The following DNAH12 variants were observed in gnomAD, a reference collection of about 807,000 sequenced individuals.
DNAH12 encodes dynein axonemal heavy chain 12.
A neutral mutation model predicts 371.5 loss-of-function variants in DNAH12; 285 were observed. That is an observed-to-expected ratio of 0.77 (90% CI 0.70 to 0.85). The LOEUF is 0.85. DNAH12 is among the 40% of genes least tolerant of loss of function. The probability of loss-of-function intolerance (pLI) is 0.00; values close to 1 mark genes in which losing one functional copy is unlikely to be tolerated. For synonymous variants in DNAH12, 1,200 were observed against 1,213.0 expected, an observed-to-expected ratio of 0.99 and a Z score of 0.22; for missense variants, 3,611 against 3,689.4, an observed-to-expected ratio of 0.98 and a Z score of 0.55.
chr3:57,318,977 T>A (rs541560053), intron 65 of DNAH12, among the ~76,000 whole-genome samples: 2 of 152,250 alleles, frequency 1.3e-5, no homozygotes, highest in South Asian at 4.1e-4. Context: ...CACATTTTAA[T>A]AATTTAAGTC....
chr3:57,542,266 T>C (rs2069324583), intron 2 of DNAH12, among the ~76,000 whole-genome samples: 1 of 152,030 alleles, frequency 6.6e-6, no homozygotes, highest in African/African-American at 2.4e-5. Flanking sequence ...GTTCAAATTG[T>C]AGGGGTTCAG....
At chr3:57,423,911 G>A (rs749520249) in intron 35 of DNAH12, among the ~76,000 whole-genome samples, 1 of 151,756 alleles carries the variant, frequency 6.6e-6, no homozygotes, top group Non-Finnish European at 1.5e-5. Flanking sequence ...GCTAATTTTT[G>A]TATTTATAGT....
chr3:57,461,327 C>T (rs996036898), intron 19 of DNAH12, among the ~76,000 whole-genome samples, 162 bp downstream of exon 19: 1 of 151,930 alleles, frequency 6.6e-6, no homozygotes, highest in Non-Finnish European at 1.5e-5. Flanking sequence ...TTTTGAATAT[C>T]ATTTTGTATT....
intron 50 of DNAH12, among the ~76,000 whole-genome samples, chr3:57,381,113 G>A (rs1465977942): frequency 1.3e-5 from 2 of 152,110 alleles, no homozygotes; most frequent in Admixed American, 6.6e-5. Context: ...GAAAGCAGAA[G>A]GCCAAAGAGT....
chr3:57,552,369 T>C, the DNAH12 span, among the ~76,000 whole-genome samples: 3 of 152,152 alleles, frequency 2.0e-5, no homozygotes, highest in Non-Finnish European at 4.4e-5. Flanking sequence ...TGCGGACAAT[T>C]TATAATTATC....
chr3:57,389,005 T>C (rs1575533046), intron 45 of DNAH12, among the ~76,000 whole-genome samples: 1 of 152,132 alleles, frequency 6.6e-6, no homozygotes, highest in Admixed American at 6.5e-5. Flanking sequence ...TATACATATG[T>C]AACAAACCTG....
intron 4 of DNAH12, among the ~76,000 whole-genome samples, chr3:57,513,136 C>CAA (rs57769589): frequency 8.7e-5 from 9 of 103,742 alleles, no homozygotes; most frequent in South Asian, 3.0e-4. Context: ...GACTTCATCT[C>CAA]AAAAAAAAAA....
At chr3:57,294,611 A>T (rs1266909742) in intron 73 of DNAH12, among the ~76,000 whole-genome samples, 1 of 152,186 alleles carries the variant, frequency 6.6e-6, no homozygotes, top group African/African-American at 2.4e-5. Flanking sequence ...GGAAGAAGGA[A>T]TAAAATACAG....
intron 38 of DNAH12, among the ~76,000 whole-genome samples, chr3:57,414,694 G>T (rs1337610927): frequency 6.6e-6 from 1 of 152,060 alleles, no homozygotes; most frequent in East Asian, 1.9e-4. Flanking sequence ...AAATGTGGAT[G>T]CTTTCTTATA....
intron 30 of DNAH12, among the ~76,000 whole-genome samples, chr3:57,435,634 T>G (rs2065100321): frequency 6.6e-6 from 1 of 151,984 alleles, no homozygotes; most frequent in Non-Finnish European, 1.5e-5. Context: ...GAGTCTAGTC[T>G]AAAACATAAG....
In DNAH12 at chr3:57,314,554, A is replaced by G. The variant is rs1249455626; in HGVS notation, c.10602T>C (p.Gly3534=). 3.2e-6 allele frequency: 5 copies of G among 1,551,406 alleles called. No homozygotes were observed. The highest frequency in any genetic ancestry group is 4.4e-6 in the Non-Finnish European group (5 of 1,146,934). ...CATTAAATCCATATGGAATATTCCA[A>G]CCAAGAGGACCAAATTTCTTTCTCT... ...VQERKKFGPL[G]WNIPYGFNES... Residue 3534 remains glycine, a synonymous_variant, in exon 66 of 74, where the codon GGT becomes GGC. Coordinates refer to ENST00000495027, the MANE Select transcript of DNAH12 (RefSeq NM_001366028.2).
intron 2 of DNAH12, among the ~76,000 whole-genome samples, chr3:57,526,611 C>T (rs764882825): frequency 8.6e-5 from 13 of 150,984 alleles, no homozygotes; most frequent in Admixed American, 3.3e-4. Context: ...TCACTGCAAC[C>T]TCTGACTCCC....
intron 29 of DNAH12, among the ~76,000 whole-genome samples, chr3:57,440,953 G>A (rs4681984): frequency 6.6e-6 from 1 of 151,994 alleles, no homozygotes; most frequent in African/African-American, 2.4e-5. Flanking sequence ...TTGCACTGCT[G>A]TACTCCAGCC....
intron 8 of DNAH12, among the ~76,000 whole-genome samples, chr3:57,505,724 A>C (rs2067733087): frequency 6.6e-6 from 1 of 151,822 alleles, no homozygotes; most frequent in Non-Finnish European, 1.5e-5. Context: ...TACAGATGTG[A>C]GCCACTGCGC....
At chr3:57,342,475 C>A (rs1385036724) in intron 60 of DNAH12, among the ~76,000 whole-genome samples, 1 of 37,836 alleles carries the variant, frequency 2.6e-5, no homozygotes, top group Non-Finnish European at 6.0e-5. Context: ...CCTATCTCTA[C>A]TAAAAATACA....
chr3:57,373,294 T>C (rs1218722090), intron 55 of DNAH12, among the ~76,000 whole-genome samples: 4 of 148,988 alleles, frequency 2.7e-5, no homozygotes, highest in Admixed American at 6.9e-5. Context: ...TCAGTGGTTA[T>C]AGTTAATCTA....
chr3:57,334,749 T>C (rs1410340252), intron 61 of DNAH12, 33 bp downstream of exon 61: 6 of 1,530,058 alleles, frequency 3.9e-6, no homozygotes, highest in East Asian at 4.9e-5. Context: ...CATATTGCCA[T>C]TCAATGATAA....
Position 57,302,418 on chromosome 3 carries a change from T to C in DNAH12, c.11190-479A>G, listed in dbSNP as rs562088915. ...GTTAAGAATACCATAAATATACTTG[T>C]AGTGAGAGTTTTTAGGCTAGAAGCC... On this transcript the variant is annotated intron_variant, in intron 69 of 73. Coordinates refer to ENST00000495027, the MANE Select transcript of DNAH12 (RefSeq NM_001366028.2). Among the ~76,000 whole-genome samples, 3 of 150,500 alleles carry C rather than the reference T, an allele frequency of 2.0e-5. No individual in the cohort carries two copies. The East Asian group carries it at 5.9e-4, about 29-fold the overall frequency.
rs757947796 is a variant in DNAH12, at chr3:57,301,719, C to CACACAT, written c.11394+15_11394+16insATGTGT. 2.6e-5 allele frequency: 30 copies of CACACAT among 1,141,356 alleles called. 1 individual carries two copies. The African/African-American group carries it at 3.5e-4, about 13-fold the overall frequency. 70.7% of individuals were successfully genotyped at this position (1,141,356 alleles called of 1,614,324 possible). Reference sequence around the variant, plus strand: ...ACACACACACACACACACACACACACACACACACATTTTACCTGTAAAAAG... The same window carrying CACACAT: ...ACACACACACACACACACACACACACACACATACACACACATTTTACCTGTAAAAAG... On this transcript the variant is annotated intron_variant, in intron 70 of 73. Transcript: ENST00000495027.
Sources: allele counts gnomAD v4.1 joint callset (sites outside exome capture counted in the v4.1 genomes callset), GRCh38; gene constraint gnomAD v4.1.1; transcripts MANE v1.5; gene names NCBI Gene and HGNC (gene_info 2026-07-23, HGNC 2026-07-21).